The following FOXI2 variants were observed in gnomAD, a reference collection of about 807,000 sequenced individuals.
The protein encoded by FOXI2 is forkhead box protein I2.
FOXI2 carries 17 observed loss-of-function variants against 14.3 expected under a neutral mutation model. The observed-to-expected ratio is 1.19, with a 90% CI of 0.81 to 1.78. The LOEUF (loss-of-function observed/expected upper bound fraction) is 1.78, where lower values mean the gene tolerates loss of function less well. Among genes scored for constraint, FOXI2 ranks in the 40% most tolerant of loss-of-function variants. The probability of loss-of-function intolerance (pLI) is 0.00; values close to 1 mark genes in which losing one functional copy is unlikely to be tolerated. For synonymous variants in FOXI2, 240 were observed against 218.8 expected (o/e 1.10, Z -0.85); for missense variants, 541 against 460.0 (o/e 1.18, Z -1.61).
Position 127,740,108 on chromosome 10 carries a change from T to TCACACCCACACC in FOXI2, c.*1149_*1150insCACACCCACACC, listed in dbSNP as rs1846502044. On this transcript the variant is annotated 3_prime_UTR_variant, in exon 2 of 2. Coordinates refer to ENST00000388920, the MANE Select transcript of FOXI2 (RefSeq NM_207426.3). ...CCCACACTCACACTCACACCCACAC[T>TCACACCCACACC]CACACCACACTCACACCCACACACA... 5.8e-5 allele frequency: 2 copies of TCACACCCACACC among 34,658 alleles called. No individual in the cohort carries two copies. Among genetic ancestry groups the TCACACCCACACC allele is most frequent in the Admixed American group, 3.8e-4 (1 of 2,638 alleles). 2.1% of individuals were successfully genotyped at this position (34,658 alleles called of 1,614,324 possible).
chr10:127,737,403 A>G lies in FOXI2; in HGVS notation c.130A>G (p.Asn44Asp). 1 of 1,388,132 alleles carries G rather than the reference A, an allele frequency of 7.2e-7. No homozygotes were observed. Among genetic ancestry groups the G allele is most frequent in the South Asian group, 1.6e-5 (1 of 60,798 alleles). The allele number at this position is 1,388,132 out of a possible 1,614,324, so 86.0% of individuals were successfully genotyped here. A position where few individuals can be genotyped will look rare whatever the true frequency, so the allele number is the denominator to read the frequency against. ...AVGGGPLLWV[N>D]APALSPKSYA... Reference sequence around the variant, plus strand: ...GGGCGGGGGCCCCCTCCTGTGGGTGAACGCGCCAGCGCTCAGCCCCAAGTC... The same window carrying G: ...GGGCGGGGGCCCCCTCCTGTGGGTGGACGCGCCAGCGCTCAGCCCCAAGTC... The change falls in exon 1 of 2, where the codon AAC becomes GAC. Residue 44 changes from asparagine (N) to aspartate (D), a missense_variant. Coordinates refer to ENST00000388920, the MANE Select transcript of FOXI2 (RefSeq NM_207426.3).
rs1846426586 is a variant in FOXI2, at chr10:127,737,223, C to T, written c.-51C>T. On this transcript the variant is annotated 5_prime_UTR_variant, in exon 1 of 2. Coordinates refer to ENST00000388920, the MANE Select transcript of FOXI2 (RefSeq NM_207426.3). Reference sequence around the variant, plus strand: ...GCTGGCGGCCAAGCTGGATGGGTCGCCAGTGAGTTTCGGTGCGGCACCGCT... The same window carrying T: ...GCTGGCGGCCAAGCTGGATGGGTCGTCAGTGAGTTTCGGTGCGGCACCGCT... 22 of 1,458,990 alleles carry T rather than the reference C, an allele frequency of 1.5e-5. No homozygotes were observed. The highest frequency in any genetic ancestry group is 1.8e-5 in the Non-Finnish European group (20 of 1,117,172). 90.4% of individuals were successfully genotyped at this position (1,458,990 alleles called of 1,614,324 possible). A position where few individuals can be genotyped will look rare whatever the true frequency, so the allele number is the denominator to read the frequency against.
Position 127,737,361 on chromosome 10 carries a change from G to A in FOXI2, c.88G>A (p.Gly30Arg), listed in dbSNP as rs1846428733. The A allele has an allele frequency of 1.4e-6, 2 of 1,412,512 alleles. No individual in the cohort carries two copies. Among genetic ancestry groups the A allele is most frequent in the South Asian group, 1.5e-5 (1 of 65,838 alleles). 87.5% of individuals were successfully genotyped at this position (1,412,512 alleles called of 1,614,324 possible). A position where few individuals can be genotyped will look rare whatever the true frequency, so the allele number is the denominator to read the frequency against. The change falls in exon 1 of 2, where the codon GGG becomes AGG. Residue 30 changes from glycine (G) to arginine (R), a missense_variant. Physicochemically the swap from Gly to Arg is moderately radical, Grantham distance 125. Transcript: ENST00000388920. The part of the protein sequence containing the change: ...ATAHPPGYEP[G>R]DLGAVGGGPL... ...CGCGCACCCCCCGGGCTATGAGCCA[G>A]GGGATCTGGGCGCGGTGGGCGGGGG...
rs1846504187 is a variant in FOXI2 at position 127,740,141 on chromosome 10, T to TCACACCCACACACACC, written c.*1178_*1179insCACCCACACACACCCA. On this transcript the variant is annotated 3_prime_UTR_variant, in exon 2 of 2. Coordinates refer to ENST00000388920, the MANE Select transcript of FOXI2 (RefSeq NM_207426.3). ...CACTCACACCCACACACACCCACAC[T>TCACACCCACACACACC]CATACTCACACCCACACCCACACTC... 4.9e-5 allele frequency: 1 copy of TCACACCCACACACACC among 20,472 alleles called. No individual in the cohort carries two copies. Among genetic ancestry groups the TCACACCCACACACACC allele is most frequent in the Non-Finnish European group, 1.3e-4 (1 of 7,656 alleles). 1.3% of individuals were successfully genotyped at this position (20,472 alleles called of 1,614,324 possible).
chr10:127,737,741 C>G lies in FOXI2; in HGVS notation c.468C>G (p.Leu156=), dbSNP rs771199998. The change falls in exon 1 of 2, where the codon CTC becomes CTG. Residue 156 remains leucine, a synonymous_variant. Transcript: ENST00000388920. ...ACTCCATCCGCCACAACCTGTCGCT[C>G]AACGACTGCTTCAAGAAGGTGCCCC... ...WQNSIRHNLS[L]NDCFKKVPRD... The G allele has an allele frequency of 3.1e-5, 50 of 1,612,834 alleles. No homozygotes were observed. The highest frequency in any genetic ancestry group is 4.2e-5 in the Non-Finnish European group (50 of 1,179,500).
chr10:127,737,186 C>T lies in FOXI2; in HGVS notation c.-88C>T. On this transcript the variant is annotated 5_prime_UTR_variant, in exon 1 of 2. Coordinates refer to ENST00000388920, the MANE Select transcript of FOXI2 (RefSeq NM_207426.3). ...GCGGAGGGCTGGGCCGGGCTGGTCG[C>T]ACCCGGGCGCTGCTGGCGGCCAAGC... 2 of 1,370,376 alleles carry T rather than the reference C, an allele frequency of 1.5e-6. No homozygotes were observed. The highest frequency in any genetic ancestry group is 1.9e-6 in the Non-Finnish European group (2 of 1,047,932). 84.9% of individuals were successfully genotyped at this position (1,370,376 alleles called of 1,614,324 possible).
rs1846430644 is a variant in FOXI2, at chr10:127,737,480, G to T, written c.207G>T (p.Gly69=). The T allele has an allele frequency of 1.4e-6, 2 of 1,387,192 alleles. No individual in the cohort carries two copies. The highest frequency in any genetic ancestry group is 1.5e-5 in the African/African-American group (1 of 65,150). The allele number at this position is 1,387,192 out of a possible 1,614,324, so 85.9% of individuals were successfully genotyped here. ...PAPPYAAPSY[G]APGPLLGAPG... Reference sequence around the variant, plus strand: ...CGCCCTACGCGGCCCCGAGCTACGGGGCTCCCGGCCCGCTCCTCGGCGCCC... The same window carrying T: ...CGCCCTACGCGGCCCCGAGCTACGGTGCTCCCGGCCCGCTCCTCGGCGCCC... Residue 69 remains glycine, a synonymous_variant, in exon 1 of 2, where the codon GGG becomes GGT. Transcript: ENST00000388920.
rs1256507697 is a variant in FOXI2 at position 127,738,584 on chromosome 10, AAGGAAG to A, written c.587_592del (p.Lys196_Arg197del). ...AGATGTTTGACAACGGGAACTTCCG[AAGGAAG>A]AGGAAGAGGAGAGCTGAAGCCAGCG... On this transcript the variant is annotated inframe_deletion, in exon 2 of 2. Coordinates refer to ENST00000388920, the MANE Select transcript of FOXI2 (RefSeq NM_207426.3). 1.2e-6 allele frequency: 2 copies of A among 1,612,574 alleles called. No homozygotes were observed. Among genetic ancestry groups the A allele is most frequent in the African/African-American group, 1.3e-5 (1 of 75,038 alleles).
At position 127,737,335 on chromosome 10, in the gene FOXI2, C is replaced by G; in HGVS notation, c.62C>G (p.Thr21Ser). Residue 21 changes from threonine to serine, a missense_variant, in exon 1 of 2, where the codon ACC becomes AGC. Transcript: ENST00000388920. Reference protein sequence around the residue: ...SSAPPGQAQATAHPPGYEPGD... With the variant: ...SSAPPGQAQASAHPPGYEPGD... ...GCCCCGCCCGGCCAGGCCCAGGCCACCGCGCACCCCCCGGGCTATGAGCCA... is the reference window on the plus strand; with the variant it reads ...GCCCCGCCCGGCCAGGCCCAGGCCAGCGCGCACCCCCCGGGCTATGAGCCA... 6.9e-7 allele frequency: 1 copy of G among 1,439,116 alleles called. No homozygotes were observed. Among genetic ancestry groups the G allele is most frequent in the Non-Finnish European group, 9.0e-7 (1 of 1,110,774 alleles). 89.1% of individuals were successfully genotyped at this position (1,439,116 alleles called of 1,614,324 possible).
rs1846505174 is a variant in FOXI2 at position 127,740,153 on chromosome 10, C to CCCACACTCATACTCACACTCA, written c.*1189_*1190insCACACTCATACTCACACTCAC. 2.6e-5 allele frequency: 3 copies of CCCACACTCATACTCACACTCA among 116,600 alleles called. No homozygotes were observed. The highest frequency in any genetic ancestry group is 3.6e-5 in the African/African-American group (1 of 27,816). The allele number at this position is 116,600 out of a possible 1,614,324, so 7.2% of individuals were successfully genotyped here. On this transcript the variant is annotated 3_prime_UTR_variant, in exon 2 of 2. Coordinates refer to ENST00000388920, the MANE Select transcript of FOXI2 (RefSeq NM_207426.3). The stretch of plus-strand genomic sequence containing the variant: ...CACACACCCACACTCATACTCACAC[C>CCCACACTCATACTCACACTCA]CACACCCACACTCATACTCACACAC...
chr10:127,738,335 C>T lies in FOXI2; in HGVS notation c.512-185C>T, dbSNP rs577835598. 4.2e-4 allele frequency among the ~76,000 whole-genome samples: 64 copies of T among 152,256 alleles called. 1 individual carries two copies. The highest frequency in any genetic ancestry group is 8.4e-4 in the Non-Finnish European group (57 of 68,022). ...CTCCTCCTTTCTGGATTGTCACTTT[C>T]TTCCCAGTCCTGCTGTGGAGGCCCA... On this transcript the variant is annotated intron_variant, in intron 1 of 1. Coordinates refer to ENST00000388920, the MANE Select transcript of FOXI2 (RefSeq NM_207426.3).
At position 127,739,294 on chromosome 10, in the gene FOXI2, T is replaced by A; in HGVS notation, c.*329T>A. On this transcript the variant is annotated 3_prime_UTR_variant, in exon 2 of 2. Transcript: ENST00000388920. ...GGCGGGTCGGCCCTCAGCTCCAGCG[T>A]TTTCCAAGGAGGCTGGCTGACTCCA... 3.6e-6 allele frequency: 1 copy of A among 279,082 alleles called. No homozygotes were observed. The highest frequency in any genetic ancestry group is 6.6e-6 in the Non-Finnish European group (1 of 150,562). The allele number at this position is 279,082 out of a possible 1,614,324, so 17.3% of individuals were successfully genotyped here. A position where few individuals can be genotyped will look rare whatever the true frequency, so the allele number is the denominator to read the frequency against.
rs985452363 is a variant in FOXI2, at chr10:127,739,125, C to T, written c.*160C>T. 6 of 651,924 alleles carry T rather than the reference C, an allele frequency of 9.2e-6. No homozygotes were observed. The highest frequency in any genetic ancestry group is 1.5e-5 in the Non-Finnish European group (6 of 392,134). The allele number at this position is 651,924 out of a possible 1,614,324, so 40.4% of individuals were successfully genotyped here. On this transcript the variant is annotated 3_prime_UTR_variant, in exon 2 of 2. Transcript: ENST00000388920. ...TCGGCCAGCAGGGAGCTGGGCTGAG[C>T]GGCTCTTGGGCTTTGGGGTGGGTGG...
At chr10:127,737,819 C>G in intron 1 of FOXI2, 35 bp downstream of exon 1, 1 of 1,587,090 alleles carries the variant, frequency 6.3e-7, no homozygotes, top group Non-Finnish European at 8.6e-7. Context: ...CCGTCCAGGA[C>G]TCCCCATCTT....
chr10:127,741,152 G>A lies in FOXI2; in HGVS notation c.*2187G>A, dbSNP rs1846519521. On this transcript the variant is annotated 3_prime_UTR_variant, in exon 2 of 2. Transcript: ENST00000388920. ...TCCCTTGAACCTATTTTAATAGAAT[G>A]AAATGCTAAAAATAAAGACCAATAT... is the stretch of plus-strand genomic sequence containing the variant. The A allele has an allele frequency of 6.6e-6, 1 of 152,200 alleles. No individual in the cohort carries two copies. The allele number at this position is 152,200 out of a possible 1,614,324, so 9.4% of individuals were successfully genotyped here.
chr10:127,738,665 G>C lies in FOXI2; in HGVS notation c.657G>C (p.Ala219=), dbSNP rs932731725. 2.5e-6 allele frequency: 4 copies of C among 1,596,210 alleles called. No homozygotes were observed. The African/African-American group carries it at 5.4e-5, about 21-fold the overall frequency. ...GCGTGGGAGGGGCCGAGGCGCCAGC[G>C]CTGGAGCCCCCGAGCGCGGCTTGCC... ...ARSVGGAEAP[A]LEPPSAACLD... is the part of the protein sequence containing the mutation. Residue 219 remains alanine, a synonymous_variant, in exon 2 of 2, where the codon GCG becomes GCC. Transcript: ENST00000388920.
chr10:127,737,548 C>A lies in FOXI2; in HGVS notation c.275C>A (p.Ser92Tyr). The A allele has an allele frequency of 1.3e-6, 2 of 1,525,444 alleles. No homozygotes were observed. The allele number at this position is 1,525,444 out of a possible 1,614,324, so 94.5% of individuals were successfully genotyped here. ...GCCGACCTCGCCTGGCTGAGCCTCT[C>A]CGGCCAGCAGGAGCTGCTGAGGCTG... is the stretch of plus-strand genomic sequence containing the variant. ...AGADLAWLSL[S>Y]GQQELLRLVR... The change falls in exon 1 of 2, where the codon TCC (serine) becomes TAC (tyrosine). Residue 92 changes from serine to tyrosine, a missense_variant. Coordinates refer to ENST00000388920, the MANE Select transcript of FOXI2 (RefSeq NM_207426.3).
intron 1 of FOXI2, among the ~76,000 whole-genome samples, chr10:127,738,311 T>G (rs7075733): frequency 0.81 from 123,242 of 151,934 alleles, 50,378 homozygotes; most frequent in East Asian, 1. Context: ...GCTCCCTTCC[T>G]CCTCCTTTCT....
rs146383820 is a variant in FOXI2 at position 127,739,435 on chromosome 10, C to T, written c.*470C>T. 0.013 allele frequency: 2,065 copies of T among 158,698 alleles called. 16 individuals are homozygous for T. Among genetic ancestry groups the T allele is most frequent in the African/African-American group, 0.021 (857 of 41,684 alleles). 9.8% of individuals were successfully genotyped at this position (158,698 alleles called of 1,614,324 possible). The stretch of plus-strand genomic sequence containing the variant: ...TGGCTCAGGGCCTTCCCTTCTGCTT[C>T]AGGGAAGCTGCCGCAGGGGCTGGGG... On this transcript the variant is annotated 3_prime_UTR_variant, in exon 2 of 2. Transcript: ENST00000388920.
Sources: gnomAD v4.1 joint callset for allele counts (sites outside exome capture counted in the v4.1 genomes callset) on GRCh38, gnomAD v4.1.1 for gene constraint, MANE v1.5 for transcripts, NCBI Gene and HGNC (gene_info 2026-07-23, HGNC 2026-07-21) for gene names.